RALGAPA2: variants seen among roughly 807,000 people sequenced by gnomAD.
RALGAPA2 encodes ral GTPase-activating protein subunit alpha-2.
RALGAPA2 carries 139 observed loss-of-function variants against 230.4 expected under a neutral mutation model. The ratio of observed to expected loss-of-function variants is 0.60; its 90% CI spans 0.53 to 0.69. The LOEUF is 0.69. Ranked by LOEUF, RALGAPA2 falls within the 30% of genes least tolerant of loss-of-function variation. The pLI, the probability that RALGAPA2 is intolerant of heterozygous loss-of-function variation, is 0.00. For missense variants in RALGAPA2, 2,163 were observed against 2,276.0 expected, an observed-to-expected ratio of 0.95 and a Z score of 1.01; for synonymous variants, 847 against 837.8, an observed-to-expected ratio of 1.01 and a Z score of -0.19.
chr20:20,446,767 A>T (rs757734166), intron 37 of RALGAPA2, among the ~76,000 whole-genome samples: 8 of 152,188 alleles, frequency 5.3e-5, no homozygotes, highest in Admixed American at 2.6e-4. Flanking sequence ...GTTCCTGCAG[A>T]TTCAAAATGT....
intron 1 of RALGAPA2, among the ~76,000 whole-genome samples, chr20:20,711,133 T>A (rs6047003): frequency 0.077 from 11,692 of 152,254 alleles, 622 homozygotes; most frequent in East Asian, 0.16. Context: ...AACCTCAAGG[T>A]ATGTGAGATT....
At chr20:20,659,752 C>G in intron 3 of RALGAPA2, 1 of 868,368 alleles carries the variant, frequency 1.2e-6, no homozygotes, top group South Asian at 1.3e-5. Context: ...CACTGGGGAC[C>G]ATGCTCAGAA....
chr20:20,479,354 G>T, intron 36 of RALGAPA2, among the ~76,000 whole-genome samples: 1 of 152,002 alleles, frequency 6.6e-6, no homozygotes, highest in East Asian at 1.9e-4. Flanking sequence ...CAAAATGAGG[G>T]GCCAATCTCA....
chr20:20,462,057 G>GC, intron 37 of RALGAPA2, among the ~76,000 whole-genome samples: 1 of 152,122 alleles, frequency 6.6e-6, no homozygotes, highest in East Asian at 1.9e-4. Context: ...TATATCCTAG[G>GC]ACCAAAGAGG....
intron 16 of RALGAPA2, among the ~76,000 whole-genome samples, chr20:20,596,986 A>G (rs2065473844): frequency 6.6e-6 from 1 of 152,232 alleles, no homozygotes; most frequent in African/African-American, 2.4e-5. Context: ...ATCACATTTA[A>G]CTTCAGTTGG....
chr20:20,691,163 G>A (rs548734734), intron 1 of RALGAPA2, among the ~76,000 whole-genome samples: 18 of 151,982 alleles, frequency 1.2e-4, no homozygotes, highest in African/African-American at 3.9e-4. Flanking sequence ...TATCCTTCCC[G>A]CCCACTCCTT....
intron 36 of RALGAPA2, among the ~76,000 whole-genome samples, chr20:20,494,060 A>C (rs1250998398): frequency 6.6e-6 from 1 of 152,204 alleles, no homozygotes; most frequent in African/African-American, 2.4e-5. Context: ...AACAAAAAAC[A>C]ACAGCAACAA....
intron 23 of RALGAPA2, among the ~76,000 whole-genome samples, chr20:20,567,634 C>T (rs578243255): frequency 2.6e-5 from 4 of 152,090 alleles, no homozygotes; most frequent in East Asian, 1.9e-4. Flanking sequence ...TTCTAACAGG[C>T]TTTTTAGCCT....
chr20:20,652,665 G>A (rs1021428770), intron 4 of RALGAPA2, among the ~76,000 whole-genome samples: 2 of 152,128 alleles, frequency 1.3e-5, no homozygotes, highest in African/African-American at 2.4e-5. Flanking sequence ...ACTCTTGTAC[G>A]GCAGGGGATT....
intron 35 of RALGAPA2, among the ~76,000 whole-genome samples, chr20:20,497,892 TCA>T (rs1489899559): frequency 6.6e-6 from 1 of 152,214 alleles, no homozygotes; most frequent in African/African-American, 2.4e-5. Flanking sequence ...TCTGGATATG[TCA>T]CAGTTTAATT....
intron 35 of RALGAPA2, 80 bp from the exon 36 acceptor site, chr20:20,495,355 T>C (rs2062175213): frequency 1.6e-6 from 2 of 1,278,178 alleles, no homozygotes; most frequent in East Asian, 2.7e-5. Context: ...AATTGAATTA[T>C]AAAACTCAAA....
intron 14 of RALGAPA2, among the ~76,000 whole-genome samples, chr20:20,611,048 C>G (rs1271575977): frequency 6.6e-6 from 1 of 152,134 alleles, no homozygotes; most frequent in Non-Finnish European, 1.5e-5. Context: ...ATCTACCTAG[C>G]CTTCCACCAA....
At chr20:20,490,325 T>C (rs1197596246) in intron 36 of RALGAPA2, among the ~76,000 whole-genome samples, 2 of 152,202 alleles carry the variant, frequency 1.3e-5, no homozygotes, top group Non-Finnish European at 2.9e-5. Context: ...TTTCACATAG[T>C]TCTCAATGTC....
At chr20:20,610,373 C>G (rs1268438483) in intron 14 of RALGAPA2, among the ~76,000 whole-genome samples, 2 of 152,198 alleles carry the variant, frequency 1.3e-5, no homozygotes, top group East Asian at 3.8e-4. Flanking sequence ...TCTGGCACAT[C>G]TGTTCCCCAG....
chr20:20,527,841 C>T lies in RALGAPA2; in HGVS notation c.3583-1479G>A, dbSNP rs2063258385. On this transcript the variant is annotated intron_variant, in intron 27 of 39. Transcript: ENST00000202677. ...GAGAGAGTGGGAGAACATGAGTGGG[C>T]ACTGTGTGTGTTGCTGATGCACCAC... Among the ~76,000 whole-genome samples the T allele has an allele frequency of 2.0e-5, 3 of 152,256 alleles. No individual in the cohort carries two copies. The South Asian group carries it at 6.2e-4, about 32-fold the overall frequency.
intron 37 of RALGAPA2, among the ~76,000 whole-genome samples, chr20:20,423,068 G>A (rs536928577): frequency 9.9e-5 from 15 of 152,270 alleles, no homozygotes; most frequent in Admixed American, 7.8e-4. Flanking sequence ...GGGAGGAAGC[G>A]GCACAATGCA....
intron 1 of RALGAPA2, among the ~76,000 whole-genome samples, chr20:20,702,781 A>G (rs138819980): frequency 6.6e-6 from 1 of 152,318 alleles, no homozygotes; most frequent in East Asian, 1.9e-4. Context: ...TTCAATGAAT[A>G]TGTGTCATCA....
chr20:20,566,084 T>C (rs1269085967), intron 23 of RALGAPA2, among the ~76,000 whole-genome samples: 1 of 152,176 alleles, frequency 6.6e-6, no homozygotes, highest in East Asian at 1.9e-4. Flanking sequence ...TCAACAGTGA[T>C]GGTGGTGCCG....
At chr20:20,683,010 C>G (rs1046140863) in intron 1 of RALGAPA2, among the ~76,000 whole-genome samples, 1 of 152,158 alleles carries the variant, frequency 6.6e-6, no homozygotes, top group Non-Finnish European at 1.5e-5. Context: ...AAATTAAACA[C>G]GTCCACAGGG....
Sources: gnomAD v4.1 joint callset for allele counts (sites outside exome capture counted in the v4.1 genomes callset) on GRCh38, gnomAD v4.1.1 for gene constraint, MANE v1.5 for transcripts, NCBI Gene and HGNC (gene_info 2026-07-23, HGNC 2026-07-21) for gene names.